The following DACH2 variants were observed in gnomAD, a reference collection of about 807,000 sequenced individuals.
DACH2 encodes the protein dachshund family transcription factor 2.
Under a neutral mutation model 35.8 loss-of-function variants are expected in DACH2, and 17 were observed. The observed-to-expected ratio is 0.48, with a 90% confidence interval of 0.33 to 0.71. The LOEUF (loss-of-function observed/expected upper bound fraction) is 0.71, where lower values mean the gene tolerates loss of function less well. Ranked by LOEUF, DACH2 falls within the 30% of genes least tolerant of loss-of-function variation. DACH2 has a pLI of 0.02. For missense variants in DACH2, 469 were observed against 472.7 expected, an observed-to-expected ratio of 0.99 and a Z score of 0.07; for synonymous variants, 195 against 177.3, an observed-to-expected ratio of 1.10 and a Z score of -0.79.
chrX:86,401,859 C>A lies in DACH2; in HGVS notation c.527+24997C>A, dbSNP rs185851481. On this transcript the variant is annotated intron_variant, in intron 2 of 11. Transcript: ENST00000373125. ...ACCACAATAAGGTAGGCTTTATTCC[C>A]AGGATGCAATGTTGGTTCAACATAT... Among the ~76,000 whole-genome samples, 4 of 111,606 alleles carry A rather than the reference C, an allele frequency of 3.6e-5. No homozygotes were observed. The Admixed American group carries it at 3.8e-4, about 11-fold the overall frequency.
chrX:86,419,592 T>C (rs943880215), intron 2 of DACH2, among the ~76,000 whole-genome samples: 4 of 112,013 alleles, frequency 3.6e-5, no homozygotes, highest in Non-Finnish European at 7.5e-5. Context: ...CATGTGGGAA[T>C]TGTGGGAGTT....
At chrX:86,759,471 T>G (rs1448509557) in intron 7 of DACH2, among the ~76,000 whole-genome samples, 2 of 111,546 alleles carry the variant, frequency 1.8e-5, no homozygotes, top group Non-Finnish European at 3.8e-5. Flanking sequence ...CTGCATAGAA[T>G]ATCTTTTTCC....
chrX:86,730,335 T>G (rs2148472492), intron 6 of DACH2, among the ~76,000 whole-genome samples: 1 of 112,388 alleles, frequency 8.9e-6, no homozygotes, highest in African/African-American at 3.2e-5. Flanking sequence ...TGCACTTCAG[T>G]TTTCCTTTCT....
chrX:86,436,867 A>G (rs2037076332), intron 2 of DACH2, among the ~76,000 whole-genome samples: 1 of 111,635 alleles, frequency 9.0e-6, no homozygotes, highest in African/African-American at 3.2e-5. Context: ...AATTTGGTAG[A>G]TGTGTCTTTC....
chrX:86,424,355 A>G (rs1359194087), intron 2 of DACH2, among the ~76,000 whole-genome samples: 2 of 110,422 alleles, frequency 1.8e-5, no homozygotes, highest in East Asian at 5.7e-4. Context: ...GTCCTTCTCA[A>G]TTTTTTTAAT....
At chrX:86,259,867 A>T (rs985004319) in intron 1 of DACH2, among the ~76,000 whole-genome samples, 23 of 111,572 alleles carry the variant, frequency 2.1e-4, no homozygotes, top group African/African-American at 7.5e-4. Flanking sequence ...CCTCTTATCC[A>T]TTATCTATGT....
chrX:86,453,511 A>G (rs2037420206), intron 2 of DACH2, among the ~76,000 whole-genome samples: 1 of 111,755 alleles, frequency 8.9e-6, no homozygotes, highest in Admixed American at 9.5e-5. Flanking sequence ...TTGGTTGCAT[A>G]TATATTTAGG....
intron 2 of DACH2, among the ~76,000 whole-genome samples, chrX:86,485,921 A>G (rs1346519098): frequency 8.9e-6 from 1 of 111,904 alleles, no homozygotes; most frequent in Non-Finnish European, 1.9e-5. Context: ...ATTATACTTC[A>G]TAGTTCTTAA....
intron 5 of DACH2, among the ~76,000 whole-genome samples, chrX:86,710,446 A>C (rs1373282463): frequency 2.7e-5 from 3 of 112,423 alleles, no homozygotes; most frequent in African/African-American, 6.5e-5. Context: ...GATATATAAC[A>C]GATTATTACA....
At chrX:86,264,831 T>C (rs1027196594) in intron 1 of DACH2, among the ~76,000 whole-genome samples, 5 of 111,537 alleles carry the variant, frequency 4.5e-5, no homozygotes, top group African/African-American at 6.5e-5. Context: ...CACTATGCTA[T>C]ATAGACTTGC....
intron 7 of DACH2, among the ~76,000 whole-genome samples, chrX:86,757,384 G>A (rs1158612239): frequency 3.6e-5 from 4 of 111,647 alleles, no homozygotes; most frequent in Non-Finnish European, 1.9e-5. Context: ...TGCTGGCTTT[G>A]TAGAATGAGT....
chrX:86,255,457 A>C (rs1238998585), intron 1 of DACH2, among the ~76,000 whole-genome samples: 1 of 111,734 alleles, frequency 8.9e-6, no homozygotes, highest in Non-Finnish European at 1.9e-5. Flanking sequence ...ATTCGGTTAG[A>C]AGAAGGTGCA....
At position 86,591,816 on chromosome X, in the gene DACH2, G is replaced by A. The variant is rs191881664; in HGVS notation, c.641-59220G>A. The stretch of plus-strand genomic sequence containing the variant: ...CTCCCAAAGTGCTGGGATTATAGGC[G>A]TGAACCACCGCTCCCGGCTTCTTTG... On this transcript the variant is annotated intron_variant, in intron 3 of 11. Coordinates refer to ENST00000373125, the MANE Select transcript of DACH2 (RefSeq NM_053281.3). Among the ~76,000 whole-genome samples, 1,003 of 111,065 alleles carry A rather than the reference G, an allele frequency of 9.0e-3. 18 individuals are homozygous for A. Among genetic ancestry groups the A allele is most frequent in the African/African-American group, 0.031 (959 of 30,535 alleles).
chrX:86,411,372 C>G (rs1166524961), intron 2 of DACH2, among the ~76,000 whole-genome samples: 9 of 109,988 alleles, frequency 8.2e-5, no homozygotes, highest in African/African-American at 2.7e-4. Flanking sequence ...ACAGACACAC[C>G]CAGGGTCAAT....
chrX:86,234,787 A>G (rs748134095), intron 1 of DACH2, among the ~76,000 whole-genome samples: 1 of 109,312 alleles, frequency 9.1e-6, no homozygotes, highest in South Asian at 4.0e-4. Context: ...TAATTTTTGT[A>G]TGTTTTGTAG....
At chrX:86,567,877 A>T (rs1345207426) in intron 3 of DACH2, among the ~76,000 whole-genome samples, 2 of 111,705 alleles carry the variant, frequency 1.8e-5, no homozygotes, top group Admixed American at 1.9e-4. Context: ...CTTTTTTTTC[A>T]TAGTTTCCAA....
At chrX:86,575,855 A>G (rs867253935) in intron 3 of DACH2, among the ~76,000 whole-genome samples, 1 of 111,905 alleles carries the variant, frequency 8.9e-6, no homozygotes, top group African/African-American at 3.2e-5. Context: ...CAACACTTGT[A>G]TTAATATGCG....
chrX:86,417,761 A>T (rs956521947), intron 2 of DACH2, among the ~76,000 whole-genome samples: 2 of 111,138 alleles, frequency 1.8e-5, no homozygotes, highest in Non-Finnish European at 3.8e-5. Flanking sequence ...TTTCAATACC[A>T]ATCATGTCTT....
chrX:86,331,388 A>T (rs1195408655), intron 1 of DACH2, among the ~76,000 whole-genome samples: 1 of 110,982 alleles, frequency 9.0e-6, no homozygotes, highest in Non-Finnish European at 1.9e-5. Context: ...ACAAGGGCTC[A>T]TTTCTGAAAT....
Sources: gnomAD v4.1 joint callset for allele counts (sites outside exome capture counted in the v4.1 genomes callset) on GRCh38, gnomAD v4.1.1 for gene constraint, MANE v1.5 for transcripts, NCBI Gene and HGNC (gene_info 2026-07-23, HGNC 2026-07-21) for gene names.